PRDM15: variants seen among roughly 807,000 people sequenced by gnomAD.
PRDM15 encodes the protein PR domain zinc finger protein 15.
PRDM15 carries 64 observed loss-of-function variants against 128.6 expected under a neutral mutation model. The ratio of observed to expected loss-of-function variants is 0.50; its 90% CI spans 0.41 to 0.61. The LOEUF (loss-of-function observed/expected upper bound fraction) is 0.61. PRDM15 is among the 20% of genes least tolerant of loss of function. PRDM15 has a pLI of 0.00. For synonymous variants in PRDM15, 615 were observed against 621.8 expected, an observed-to-expected ratio of 0.99 and a Z score of 0.16; for missense variants, 1,242 against 1,569.1, an observed-to-expected ratio of 0.79 and a Z score of 3.52.
chr21:41,876,481 C>T (rs147471343), intron 1 of PRDM15, among the ~76,000 whole-genome samples: 1 of 152,300 alleles, frequency 6.6e-6, no homozygotes, highest in African/African-American at 2.4e-5. Flanking sequence ...TCACCATGAA[C>T]ACCGCTGGTG....
chr21:41,876,573 A>T (rs1322470099), intron 1 of PRDM15, among the ~76,000 whole-genome samples: 1 of 152,202 alleles, frequency 6.6e-6, no homozygotes, highest in African/African-American at 2.4e-5. Flanking sequence ...GGGACCCCGC[A>T]GTTTCCACAC....
At chr21:41,852,932 C>T (rs924475780) in intron 5 of PRDM15, among the ~76,000 whole-genome samples, 2 of 152,178 alleles carry the variant, frequency 1.3e-5, no homozygotes, top group African/African-American at 4.8e-5. Flanking sequence ...GAAGAGATGA[C>T]ACAGAGACAT....
At chr21:41,864,026 C>T (rs1456271866) in intron 1 of PRDM15, among the ~76,000 whole-genome samples, 1 of 152,052 alleles carries the variant, frequency 6.6e-6, no homozygotes, top group African/African-American at 2.4e-5. Flanking sequence ...GTATTTTTAG[C>T]AGAGACGGGG....
At position 41,879,081 on chromosome 21, in the gene PRDM15, G is replaced by A. The variant is rs757898009; in HGVS notation, c.-10+189C>T. On this transcript the variant is annotated intron_variant, in intron 1 of 23. Transcript: ENST00000398548. The surrounding 1 kb of genome is among the most constrained non-coding windows in gnomAD (Gnocchi z 5.1). ...TTGACTCCGATCGCCAACGGTGCCC[G>A]CAGCCGGCGAATGTAACAAAGAACA... is the stretch of plus-strand genomic sequence containing the variant. 3.8e-5 allele frequency: 43 copies of A among 1,130,822 alleles called. No individual in the cohort carries two copies. In the South Asian group the frequency reaches 8.2e-4, roughly 21 times the overall value. The allele number at this position is 1,130,822 out of a possible 1,614,324, so 70.0% of individuals were successfully genotyped here.
chr21:41,820,252 T>C lies in PRDM15; in HGVS notation c.2061-78A>G, dbSNP rs1379797655. ...AGCGAGGGCACTTTCCCCAGCACCT[T>C]CATCTGCAAAGGTGAGGCAACAAGG... On this transcript the variant is annotated intron_variant, in intron 16 of 23. Transcript: ENST00000398548. 2.7e-6 allele frequency: 3 copies of C among 1,125,746 alleles called. No homozygotes were observed. In the African/African-American group the frequency reaches 4.6e-5, roughly 17 times the overall value. 69.7% of individuals were successfully genotyped at this position (1,125,746 alleles called of 1,614,324 possible).
rs767942117 is a variant in PRDM15, at chr21:41,836,542, C to T, written c.1109G>A (p.Arg370Gln). 6 of 1,613,116 alleles carry T rather than the reference C, an allele frequency of 3.7e-6. No individual in the cohort carries two copies. The highest frequency in any genetic ancestry group is 5.1e-6 in the Non-Finnish European group (6 of 1,179,986). ...KLIKQLGEHK[R>Q]VYQCNICSKI... The stretch of plus-strand genomic sequence containing the variant: ...GCTGCAGATATTGCACTGGTAAACC[C>T]GCTTGTGCTCCCCGAGCTGTTTGAT... Residue 370 changes from arginine to glutamine, a missense_variant, in exon 9 of 24, where the codon CGG (arginine) becomes CAG (glutamine). Physicochemically the swap from Arg to Gln is conservative, Grantham distance 43. Coordinates refer to ENST00000398548, the MANE Select transcript of PRDM15 (RefSeq NM_001040424.3).
At position 41,802,732 on chromosome 21, in the gene PRDM15, C is replaced by A. The variant is rs781432673; in HGVS notation, c.2923G>T (p.Ala975Ser). The change falls in exon 23 of 24, where the codon GCA (alanine) becomes TCA (serine). Residue 975 changes from alanine (A) to serine (S), a missense_variant. Physicochemically the swap from Ala to Ser is moderately conservative, Grantham distance 99. Coordinates refer to ENST00000398548, the MANE Select transcript of PRDM15 (RefSeq NM_001040424.3). ...CTGACCTGCTGAATGCTCTGTACTG[C>A]GGAATTGGTCTCGTCGCCTACACTG... The part of the protein sequence containing the change: ...TGSVGDETNS[A>S]VQSIQQVVVT... The A allele has an allele frequency of 1.9e-6, 3 of 1,614,004 alleles. No individual in the cohort carries two copies. Among genetic ancestry groups the A allele is most frequent in the Admixed American group, 3.3e-5 (2 of 60,004 alleles).
At chr21:41,806,515 ACC>A (rs2061652440) in intron 21 of PRDM15, among the ~76,000 whole-genome samples, 91 of 17,280 alleles carry the variant, frequency 5.3e-3, no homozygotes, top group African/African-American at 0.024. Flanking sequence ...CACCATCACC[ACC>A]ACCATCACCA....
At chr21:41,831,448 C>A (rs985291683) in intron 11 of PRDM15, among the ~76,000 whole-genome samples, 7 of 152,240 alleles carry the variant, frequency 4.6e-5, no homozygotes, top group Non-Finnish European at 8.8e-5. Flanking sequence ...ACTCTCCACC[C>A]CCGCCAGGTA....
chr21:41,806,543 CCAACATCACCA>C lies in PRDM15; in HGVS notation c.2653-1940_2653-1930del, dbSNP rs2061661077. Among the ~76,000 whole-genome samples, 2 of 15,650 alleles carry C rather than the reference CCAACATCACCA, an allele frequency of 1.3e-4. 1 individual carries two copies. The highest frequency in any genetic ancestry group is 2.6e-4 in the Non-Finnish European group (2 of 7,656). The allele number at this position is 15,650 out of a possible 152,430, so 10.3% of individuals were successfully genotyped here. A position where few individuals can be genotyped will look rare whatever the true frequency, so the allele number is the denominator to read the frequency against. ...ACCATCACCACCACCATCACTACCACCAACATCACCACCATCACCATCACCATACCACCACC... is the reference window on the plus strand; with the variant it reads ...ACCATCACCACCACCATCACTACCACCCATCACCATCACCATACCACCACC... On this transcript the variant is annotated intron_variant, in intron 21 of 23. Transcript: ENST00000398548.
chr21:41,810,929 G>A lies in PRDM15; in HGVS notation c.2393-93C>T. On this transcript the variant is annotated intron_variant, in intron 19 of 23. Transcript: ENST00000398548. This position sits in a 1 kb window ranked among gnomAD's most constrained non-coding sequence, Gnocchi z 6.4. ...TTCTCCCTGACACGTTCCAGGCACT[G>A]TAGGGCCTTCAGGAGAAGGTGAATT... 2.7e-6 allele frequency: 3 copies of A among 1,111,978 alleles called. No individual in the cohort carries two copies. The highest frequency in any genetic ancestry group is 4.1e-6 in the Non-Finnish European group (3 of 732,272). The allele number at this position is 1,111,978 out of a possible 1,614,324, so 68.9% of individuals were successfully genotyped here.
chr21:41,838,883 T>C (rs2062982019), intron 7 of PRDM15, among the ~76,000 whole-genome samples: 1 of 152,218 alleles, frequency 6.6e-6, no homozygotes, highest in Non-Finnish European at 1.5e-5. Context: ...AAAGAAATCC[T>C]GGTGTATCCC....
chr21:41,803,601 T>A (rs1331975920), intron 22 of PRDM15, among the ~76,000 whole-genome samples: 1 of 152,200 alleles, frequency 6.6e-6, no homozygotes, highest in African/African-American at 2.4e-5. Context: ...CCTAACCCAG[T>A]GGCAGACAGA....
At chr21:41,840,336 C>CTGGGGAGG (rs2063035953) in intron 6 of PRDM15, among the ~76,000 whole-genome samples, 1 of 151,492 alleles carries the variant, frequency 6.6e-6, no homozygotes, top group African/African-American at 2.4e-5. Flanking sequence ...GTCCCAGCCA[C>CTGGGGAGG]TGGGGAGGCT....
chr21:41,803,702 T>C (rs926168538), intron 22 of PRDM15, among the ~76,000 whole-genome samples: 7 of 152,180 alleles, frequency 4.6e-5, no homozygotes, highest in Non-Finnish European at 1.0e-4. Flanking sequence ...CTGTGGGTTC[T>C]GGGGCTGGGG....
chr21:41,814,960 T>G (rs1166683700), intron 19 of PRDM15: 15 of 147,584 alleles, frequency 1.0e-4, no homozygotes, highest in South Asian at 4.4e-4. Context: ...GCTCTAGTGT[T>G]TTATGAGAAC....
chr21:41,825,225 C>G (rs2062426090), intron 13 of PRDM15, among the ~76,000 whole-genome samples: 1 of 152,278 alleles, frequency 6.6e-6, no homozygotes, highest in Non-Finnish European at 1.5e-5. Flanking sequence ...CACCTCCAGT[C>G]ACAACCAAGG....
intron 11 of PRDM15, chr21:41,834,692 A>C: frequency 1.4e-6 from 1 of 706,690 alleles, no homozygotes. Context: ...CACATCCCAG[A>C]GGGTGCACGT....
chr21:41,809,735 G>A (rs942631925), intron 21 of PRDM15, among the ~76,000 whole-genome samples: 1 of 152,060 alleles, frequency 6.6e-6, no homozygotes, highest in East Asian at 1.9e-4. Flanking sequence ...CCCTTCCTGT[G>A]GAGCAGGCTT....
Sources: allele counts gnomAD v4.1 joint callset (sites outside exome capture counted in the v4.1 genomes callset), GRCh38; gene constraint gnomAD v4.1.1; non-coding constraint Gnocchi (gnomAD v3.1); transcripts MANE v1.5; gene names NCBI Gene and HGNC (gene_info 2026-07-23, HGNC 2026-07-21).